Variants in ITPRID1 observed in about 807,000 individuals in gnomAD.
ITPRID1 encodes the protein ITPR interacting domain containing 1, also known as protein ITPRID1.
A neutral mutation model predicts 95.4 loss-of-function variants in ITPRID1; 96 were observed. The ratio of observed to expected loss-of-function variants is 1.01; its 90% CI spans 0.85 to 1.19. The LOEUF is 1.19. Among genes scored for constraint, ITPRID1 ranks in the 50% most tolerant of loss-of-function variants. The probability of loss-of-function intolerance (pLI) is 0.00; values close to 1 mark genes in which losing one functional copy is unlikely to be tolerated. For synonymous variants in ITPRID1, 510 were observed against 453.6 expected (o/e 1.12, Z -1.58); for missense variants, 1,339 against 1,252.9 (o/e 1.07, Z -1.04).
At chr7:31,536,412 A>T (rs959994650) in intron 1 of ITPRID1, among the ~76,000 whole-genome samples, 1 of 152,000 alleles carries the variant, frequency 6.6e-6, no homozygotes, top group East Asian at 1.9e-4. Context: ...CTTATTTATT[A>T]TACTTATTTT....
chr7:31,655,789 C>CTT lies in ITPRID1; in HGVS notation c.*2963_*2964dup, dbSNP rs1791273861. ...CTTTTTACTCTTTACCCAGGTTGGG[C>CTT]TTTTGACCTCCCCTTCTCCATGTAG... On this transcript the variant is annotated 3_prime_UTR_variant, in exon 15 of 15. Coordinates refer to ENST00000615280, the MANE Select transcript of ITPRID1 (RefSeq NM_001257967.3). 6 of 985,500 alleles carry CTT rather than the reference C, an allele frequency of 6.1e-6. No homozygotes were observed. The South Asian group carries it at 2.8e-4, about 46-fold the overall frequency. 61.0% of individuals were successfully genotyped at this position (985,500 alleles called of 1,614,324 possible). A position where few individuals can be genotyped will look rare whatever the true frequency, so the allele number is the denominator to read the frequency against.
intron 10 of ITPRID1, among the ~76,000 whole-genome samples, chr7:31,589,801 A>G (rs1477231004): frequency 6.6e-6 from 1 of 152,208 alleles, no homozygotes; most frequent in Non-Finnish European, 1.5e-5. Flanking sequence ...TTGCTAAAGG[A>G]AGTTCTTTAG....
chr7:31,583,962 T>A (rs1248028265), intron 10 of ITPRID1, among the ~76,000 whole-genome samples: 1 of 152,230 alleles, frequency 6.6e-6, no homozygotes, highest in Non-Finnish European at 1.5e-5. Flanking sequence ...TTTTGTGTAA[T>A]CTTAATGTTA....
At chr7:31,530,022 T>A (rs1234222567) in intron 1 of ITPRID1, among the ~76,000 whole-genome samples, 1 of 152,034 alleles carries the variant, frequency 6.6e-6, no homozygotes, top group Non-Finnish European at 1.5e-5. Flanking sequence ...GTGATCTAAT[T>A]GTCATGGATT....
At chr7:31,635,314 C>A (rs577596533) in intron 10 of ITPRID1, among the ~76,000 whole-genome samples, 1 of 152,178 alleles carries the variant, frequency 6.6e-6, no homozygotes, top group African/African-American at 2.4e-5. Context: ...CTTGAAGAAA[C>A]TAAACCATCA....
chr7:31,592,995 C>G (rs1388769591), intron 10 of ITPRID1, among the ~76,000 whole-genome samples: 1 of 152,078 alleles, frequency 6.6e-6, no homozygotes, highest in Non-Finnish European at 1.5e-5. Flanking sequence ...AAAAATTTAT[C>G]AAAATTTCAT....
intron 9 of ITPRID1, among the ~76,000 whole-genome samples, chr7:31,579,637 T>A (rs1785322834): frequency 6.6e-6 from 1 of 152,204 alleles, no homozygotes; most frequent in African/African-American, 2.4e-5. Flanking sequence ...GAAAGTAGGC[T>A]TAACCATAAT....
Position 31,569,891 on chromosome 7 carries a change from T to C in ITPRID1, c.308+82T>C, listed in dbSNP as rs1784926193. On this transcript the variant is annotated intron_variant, in intron 6 of 14. Coordinates refer to ENST00000615280, the MANE Select transcript of ITPRID1 (RefSeq NM_001257967.3). ...GAATAAAATAGAAGTAGGGAAGTTT[T>C]CTTAATATTGCCATAGCTCTTGGGA... 7.7e-6 allele frequency: 9 copies of C among 1,173,344 alleles called. No individual in the cohort carries two copies. In the South Asian group the frequency reaches 1.2e-4, roughly 15 times the overall value. The allele number at this position is 1,173,344 out of a possible 1,614,324, so 72.7% of individuals were successfully genotyped here. A position where few individuals can be genotyped will look rare whatever the true frequency, so the allele number is the denominator to read the frequency against.
intron 10 of ITPRID1, among the ~76,000 whole-genome samples, chr7:31,609,079 G>C (rs41561): frequency 0.043 from 6,502 of 151,594 alleles, 201 homozygotes; most frequent in Non-Finnish European, 0.061. Flanking sequence ...AATTGAGGCG[G>C]CCATGTGGTT....
At chr7:31,617,243 A>G (rs1256143489) in intron 10 of ITPRID1, among the ~76,000 whole-genome samples, 1 of 152,204 alleles carries the variant, frequency 6.6e-6, no homozygotes, top group Admixed American at 6.5e-5. Flanking sequence ...TGTTCTAATT[A>G]GAATGGAGAT....
chr7:31,583,775 G>C (rs924759313), intron 10 of ITPRID1, among the ~76,000 whole-genome samples: 4 of 152,170 alleles, frequency 2.6e-5, no homozygotes, highest in Non-Finnish European at 5.9e-5. Flanking sequence ...TACCATAGTG[G>C]AATGAATTTC....
intron 12 of ITPRID1, among the ~76,000 whole-genome samples, chr7:31,644,561 C>G (rs571111345): frequency 2.0e-5 from 3 of 152,252 alleles, no homozygotes; most frequent in Admixed American, 6.5e-5. Context: ...GAGCTTCCCA[C>G]GTCAAATAGA....
chr7:31,616,606 A>ACT, intron 10 of ITPRID1, among the ~76,000 whole-genome samples: 1 of 152,290 alleles, frequency 6.6e-6, no homozygotes, highest in South Asian at 2.1e-4. Context: ...CCACAGGCAC[A>ACT]ATGTTATTTC....
Position 31,569,932 on chromosome 7 carries a change from C to A in ITPRID1, c.308+123C>A, listed in dbSNP as rs538916347. Reference sequence around the variant, plus strand: ...GCTCTTGGGATCTCGTGAAAGGTAACTGGTTTAGTCACAGTGCCTAGAATG... The same window carrying A: ...GCTCTTGGGATCTCGTGAAAGGTAAATGGTTTAGTCACAGTGCCTAGAATG... On this transcript the variant is annotated intron_variant, in intron 6 of 14. Coordinates refer to ENST00000615280, the MANE Select transcript of ITPRID1 (RefSeq NM_001257967.3). 2.6e-5 allele frequency: 18 copies of A among 693,500 alleles called. No individual in the cohort carries two copies. The South Asian group carries it at 4.3e-4, about 17-fold the overall frequency. 43.0% of individuals were successfully genotyped at this position (693,500 alleles called of 1,614,324 possible).
At chr7:31,626,849 C>T (rs1788512159) in intron 10 of ITPRID1, among the ~76,000 whole-genome samples, 1 of 152,214 alleles carries the variant, frequency 6.6e-6, no homozygotes, top group Non-Finnish European at 1.5e-5. Context: ...TTATCTAGCA[C>T]ATTGCCTAAC....
chr7:31,648,951 G>A (rs941302493), intron 12 of ITPRID1, among the ~76,000 whole-genome samples: 1 of 152,208 alleles, frequency 6.6e-6, no homozygotes, highest in African/African-American at 2.4e-5. Context: ...ATCTATAACA[G>A]ATGCCCTTCA....
At chr7:31,651,839 A>T in intron 13 of ITPRID1, 100 bp from the exon 14 acceptor site, 2 of 751,594 alleles carry the variant, frequency 2.7e-6, no homozygotes, top group Non-Finnish European at 4.4e-6. Flanking sequence ...ATTCTCTTTT[A>T]AGAAATTGCA....
intron 10 of ITPRID1, among the ~76,000 whole-genome samples, chr7:31,609,395 A>G (rs1392049497): frequency 6.6e-6 from 1 of 151,722 alleles, no homozygotes; most frequent in East Asian, 1.9e-4. Context: ...GTTTCTTTAA[A>G]CATTTGGTAG....
At chr7:31,623,090 T>G (rs1419687940) in intron 10 of ITPRID1, among the ~76,000 whole-genome samples, 1 of 152,044 alleles carries the variant, frequency 6.6e-6, no homozygotes, top group South Asian at 2.1e-4. Context: ...AATAACAGGA[T>G]CTGAAATTGT....
Sources: gnomAD v4.1 joint callset for allele counts (sites outside exome capture counted in the v4.1 genomes callset) on GRCh38, gnomAD v4.1.1 for gene constraint, MANE v1.5 for transcripts, NCBI Gene and HGNC (gene_info 2026-07-23, HGNC 2026-07-21) for gene names.